Variants in ASCC3 observed in about 807,000 individuals in gnomAD.
ASCC3 encodes the protein activating signal cointegrator 1 complex subunit 3.
Under a neutral mutation model 256.3 loss-of-function variants are expected in ASCC3, and 158 were observed. That is an observed-to-expected ratio of 0.62 (90% CI 0.54 to 0.70). ASCC3 has a LOEUF of 0.70. Among genes scored for constraint, ASCC3 ranks in the 30% least tolerant of loss-of-function variants. The pLI is 0.00. For missense variants in ASCC3, 2,259 were observed against 2,626.0 expected, an observed-to-expected ratio of 0.86 and a Z score of 3.05; for synonymous variants, 948 against 883.4, an observed-to-expected ratio of 1.07 and a Z score of -1.30.
chr6:100,644,284 T>C (rs1488518489), intron 22 of ASCC3, among the ~76,000 whole-genome samples, 155 bp from the exon 23 acceptor site: 1 of 152,192 alleles, frequency 6.6e-6, no homozygotes, highest in Non-Finnish European at 1.5e-5. Context: ...ATGATTTTAA[T>C]ATATTTCCAA....
At chr6:100,626,164 T>C (rs1774222910) in intron 29 of ASCC3, among the ~76,000 whole-genome samples, 1 of 152,040 alleles carries the variant, frequency 6.6e-6, no homozygotes, top group African/African-American at 2.4e-5. Context: ...TGTTTGTTTG[T>C]TTTTTGCTTT....
At chr6:100,662,132 T>G in intron 15 of ASCC3, 102 bp from the exon 16 acceptor site, 4 of 1,250,162 alleles carry the variant, frequency 3.2e-6, no homozygotes, top group Non-Finnish European at 4.6e-6. Context: ...ATCTCAAAAG[T>G]GTACTTTAAC....
chr6:100,872,881 G>C (rs1170637872), intron 1 of ASCC3, among the ~76,000 whole-genome samples: 2 of 152,128 alleles, frequency 1.3e-5, no homozygotes, highest in African/African-American at 2.4e-5. Flanking sequence ...AAAATAATCT[G>C]AACAACAGCC....
Position 100,650,653 on chromosome 6 carries a change from G to A in ASCC3, c.3137C>T (p.Thr1046Ile). 6.2e-7 allele frequency: 1 copy of A among 1,612,542 alleles called. No homozygotes were observed. The highest frequency in any genetic ancestry group is 8.5e-7 in the Non-Finnish European group (1 of 1,178,934). Residue 1046 changes from threonine (T) to isoleucine (I), a missense_variant, in exon 20 of 42, where the codon ACT becomes ATT. Physicochemically the swap from Thr to Ile is moderately conservative, Grantham distance 89 (BLOSUM62 -1). Around this residue, in one of 2 missense-constraint regions of ASCC3, gnomAD observed 1,839 missense variants for 2,206.7 expected, o/e 0.83. Transcript: ENST00000369162. Reference protein sequence around the residue: ...TLLSNFCELSTPGGVENSYGK... With the variant: ...TLLSNFCELSIPGGVENSYGK... The stretch of plus-strand genomic sequence containing the variant: ...ATAACTATTCTCTACACCTCCAGGA[G>A]TGGAGAGTTCACAAAAATTGCTTAA...
intron 20 of ASCC3, 61 bp from the exon 21 acceptor site, chr6:100,647,512 A>C (rs1775441435): frequency 7.0e-6 from 10 of 1,426,870 alleles, no homozygotes; most frequent in Admixed American, 1.7e-5. Context: ...TTTGTCAATA[A>C]ATCTATTATT....
intron 36 of ASCC3, among the ~76,000 whole-genome samples, chr6:100,559,621 G>A (rs961902998): frequency 2.0e-5 from 3 of 152,074 alleles, no homozygotes; most frequent in African/African-American, 4.8e-5. Context: ...AGGCCAAGGC[G>A]GGAGGATCAC....
chr6:100,851,151 C>G (rs1772646762), intron 3 of ASCC3, among the ~76,000 whole-genome samples: 1 of 152,096 alleles, frequency 6.6e-6, no homozygotes, highest in Admixed American at 6.5e-5. Context: ...AAAGATCAAA[C>G]AGCTATTACA....
intron 10 of ASCC3, among the ~76,000 whole-genome samples, chr6:100,744,685 T>C (rs1187449356): frequency 6.6e-6 from 1 of 152,198 alleles, no homozygotes; most frequent in Non-Finnish European, 1.5e-5. Flanking sequence ...TATTTTGTGG[T>C]ATGTACTTTT....
intron 37 of ASCC3, among the ~76,000 whole-genome samples, chr6:100,528,963 G>A (rs920807563): frequency 6.6e-5 from 10 of 152,174 alleles, no homozygotes; most frequent in African/African-American, 2.2e-4. Flanking sequence ...CTTGAGGCAA[G>A]GAACCTCTGA....
rs190071976 is a variant in ASCC3, at chr6:100,572,843, C to A, written c.5550+16791G>T. 3.0e-3 allele frequency among the ~76,000 whole-genome samples: 453 copies of A among 152,144 alleles called. 1 individual carries two copies. The highest frequency in any genetic ancestry group is 0.014 in the South Asian group (69 of 4,832). On this transcript the variant is annotated intron_variant, in intron 36 of 41. Coordinates refer to ENST00000369162, the MANE Select transcript of ASCC3 (RefSeq NM_006828.4). ...TATTTAATACTTATAATTCTAGTTA[C>A]AAGGTCATACATAATTTTAAAAGTA...
At chr6:100,544,062 C>T (rs1582420671) in intron 36 of ASCC3, among the ~76,000 whole-genome samples, 1 of 151,890 alleles carries the variant, frequency 6.6e-6, no homozygotes, top group African/African-American at 2.4e-5. Flanking sequence ...AGTAATACAC[C>T]TCTAACTCAT....
chr6:100,812,730 G>A (rs1204800167), intron 4 of ASCC3, among the ~76,000 whole-genome samples: 1 of 152,130 alleles, frequency 6.6e-6, no homozygotes, highest in Non-Finnish European at 1.5e-5. Context: ...AGTAGTTAGA[G>A]ACCAGCCTGG....
At chr6:100,766,514 T>C (rs754580328) in intron 10 of ASCC3, 51 bp downstream of exon 10, 3 of 1,545,736 alleles carry the variant, frequency 1.9e-6, no homozygotes, top group Non-Finnish European at 2.7e-6. Flanking sequence ...ATTTTCACAA[T>C]TACCTAAAAA....
intron 11 of ASCC3, among the ~76,000 whole-genome samples, chr6:100,720,705 T>C (rs114839115): frequency 2.7e-4 from 41 of 151,420 alleles, no homozygotes; most frequent in South Asian, 1.9e-3. Flanking sequence ...TTTCTTAAGA[T>C]AACAAACAGC....
At chr6:100,656,974 A>G (rs1775943428) in intron 16 of ASCC3, among the ~76,000 whole-genome samples, 1 of 151,228 alleles carries the variant, frequency 6.6e-6, no homozygotes, top group African/African-American at 2.4e-5. Flanking sequence ...ATTTAGTCCT[A>G]ATATTAAAGA....
chr6:100,550,314 A>C (rs981170495), intron 36 of ASCC3, among the ~76,000 whole-genome samples: 3 of 151,902 alleles, frequency 2.0e-5, no homozygotes, highest in Admixed American at 6.6e-5. Flanking sequence ...AACACTAATT[A>C]ATAGTATTAT....
chr6:100,677,628 G>A (rs1418132728), intron 14 of ASCC3, among the ~76,000 whole-genome samples: 1 of 152,058 alleles, frequency 6.6e-6, no homozygotes, highest in Admixed American at 6.6e-5. Flanking sequence ...GTCAGTCTCA[G>A]AGGAATAAAA....
At chr6:100,859,701 C>T (rs1773131231) in intron 3 of ASCC3, among the ~76,000 whole-genome samples, 1 of 152,010 alleles carries the variant, frequency 6.6e-6, no homozygotes, top group African/African-American at 2.4e-5. Flanking sequence ...CCTGTCCAAC[C>T]TACCTTTTGA....
At position 100,563,841 on chromosome 6, in the gene ASCC3, T is replaced by A. The variant is rs1056168546; in HGVS notation, c.5551-23454A>T. ...AAAATATTAAAATTGATATCGATATTAAAATATTATTACTAATGAAAGCTA... is the reference window on the plus strand; with the variant it reads ...AAAATATTAAAATTGATATCGATATAAAAATATTATTACTAATGAAAGCTA... On this transcript the variant is annotated intron_variant, in intron 36 of 41. Coordinates refer to ENST00000369162, the MANE Select transcript of ASCC3 (RefSeq NM_006828.4). 3.9e-5 allele frequency among the ~76,000 whole-genome samples: 6 copies of A among 152,196 alleles called. No individual in the cohort carries two copies. The South Asian group carries it at 8.3e-4, about 21-fold the overall frequency.
Sources: allele counts gnomAD v4.1 joint callset (sites outside exome capture counted in the v4.1 genomes callset), GRCh38; gene constraint gnomAD v4.1.1; regional missense constraint gnomAD v4.1.1; transcripts MANE v1.5; gene names NCBI Gene and HGNC (gene_info 2026-07-23, HGNC 2026-07-21).